TUSC3: variants seen among roughly 807,000 people sequenced by gnomAD.
TUSC3 encodes the protein dolichyl-diphosphooligosaccharide--protein glycosyltransferase subunit TUSC3.
In TUSC3, 45 loss-of-function variants were observed where a neutral mutation model predicts 44.8. That is an observed-to-expected ratio of 1.00 (90% CI 0.79 to 1.29). The LOEUF (loss-of-function observed/expected upper bound fraction) is 1.29, where lower values mean the gene tolerates loss of function less well. Ranked by LOEUF, TUSC3 falls within the 50% of genes most tolerant of loss-of-function variation. The probability of loss-of-function intolerance (pLI) is 0.00; values close to 1 mark genes in which losing one functional copy is unlikely to be tolerated. For synonymous variants in TUSC3, 212 were observed against 152.9 expected, an observed-to-expected ratio of 1.39 and a Z score of -2.85; for missense variants, 519 against 437.9, an observed-to-expected ratio of 1.19 and a Z score of -1.65.
At chr8:15,718,593 G>T (rs1810156564) in intron 6 of TUSC3, among the ~76,000 whole-genome samples, 1 of 152,018 alleles carries the variant, frequency 6.6e-6, no homozygotes, top group Non-Finnish European at 1.5e-5. Context: ...TCTTCTAAAG[G>T]AGAGAAATAT....
At chr8:15,721,206 G>T (rs1402536968) in intron 6 of TUSC3, among the ~76,000 whole-genome samples, 1 of 151,954 alleles carries the variant, frequency 6.6e-6, no homozygotes, top group African/African-American at 2.4e-5. Flanking sequence ...TAGCTTTCCT[G>T]GGGAAATCAT....
At chr8:15,662,125 C>T (rs746944891) in intron 4 of TUSC3, 31 bp from the exon 5 acceptor site, 1 of 1,611,290 alleles carries the variant, frequency 6.2e-7, no homozygotes, top group Non-Finnish European at 8.5e-7. Flanking sequence ...ATTTTTCTTT[C>T]ATTTTTGAAA....
intron 1 of TUSC3, among the ~76,000 whole-genome samples, chr8:15,560,568 A>G (rs1802422709): frequency 6.9e-6 from 1 of 144,864 alleles, no homozygotes; most frequent in Non-Finnish European, 1.5e-5. Context: ...TAGATTGGGG[A>G]AGTTCTCCTG....
the TUSC3 span, among the ~76,000 whole-genome samples, chr8:15,836,256 G>A: frequency 2.6e-5 from 4 of 151,502 alleles, no homozygotes; most frequent in Admixed American, 2.6e-4. Context: ...TGGGTGGAAT[G>A]CTTGAGGTCA....
At chr8:15,688,800 A>C (rs932590163) in intron 6 of TUSC3, 1 of 153,588 alleles carries the variant, frequency 6.5e-6, no homozygotes, top group African/African-American at 2.4e-5. Flanking sequence ...AGCTCTAAAC[A>C]CAAAAAAGTT....
At chr8:15,567,330 C>G (rs2129142066) in intron 1 of TUSC3, among the ~76,000 whole-genome samples, 1 of 152,274 alleles carries the variant, frequency 6.6e-6, no homozygotes, top group Admixed American at 6.5e-5. Context: ...AAACATTAAT[C>G]ACTGTCTTGG....
intron 2 of TUSC3, among the ~76,000 whole-genome samples, chr8:15,639,582 T>A (rs914202814): frequency 1.3e-5 from 2 of 152,208 alleles, no homozygotes; most frequent in African/African-American, 4.8e-5. Context: ...GATAAAACTT[T>A]CTGCATTTTT....
intron 3 of TUSC3, among the ~76,000 whole-genome samples, chr8:15,652,034 C>T (rs181039590): frequency 7.9e-5 from 12 of 152,294 alleles, no homozygotes; most frequent in African/African-American, 2.6e-4. Flanking sequence ...TAATGTGTAA[C>T]TAGAATTTGA....
chr8:15,463,766 T>C (rs192634135), intron 1 of TUSC3, among the ~76,000 whole-genome samples: 5 of 152,298 alleles, frequency 3.3e-5, no homozygotes, highest in Middle Eastern at 3.4e-3. Flanking sequence ...CATCAGTTCG[T>C]CGCTTCTCTA....
intron 1 of TUSC3, among the ~76,000 whole-genome samples, chr8:15,471,180 C>G (rs544964067): frequency 1.3e-5 from 2 of 152,222 alleles, no homozygotes; most frequent in African/African-American, 4.8e-5. Flanking sequence ...TTCACCAAAA[C>G]TTGGTAAATC....
At chr8:15,540,623 C>T (rs1001457016) in intron 1 of TUSC3, 55 bp downstream of exon 1, 4 of 1,479,884 alleles carry the variant, frequency 2.7e-6, no homozygotes, top group Non-Finnish European at 3.6e-6. Flanking sequence ...CAGGGTGGGC[C>T]GCGTTGCCAG....
At chr8:15,666,012 A>G (rs1051493498) in intron 5 of TUSC3, among the ~76,000 whole-genome samples, 1 of 151,520 alleles carries the variant, frequency 6.6e-6, no homozygotes, top group Non-Finnish European at 1.5e-5. Flanking sequence ...GATGAATTTA[A>G]AGTAGAATGA....
chr8:15,616,152 T>G (rs1449590008), intron 1 of TUSC3, among the ~76,000 whole-genome samples: 1 of 151,884 alleles, frequency 6.6e-6, no homozygotes, highest in East Asian at 1.9e-4. Flanking sequence ...TGAAGACTCT[T>G]AAAGAATAAA....
intron 1 of TUSC3, among the ~76,000 whole-genome samples, chr8:15,422,357 A>G (rs2129115305): frequency 6.6e-6 from 1 of 152,268 alleles, no homozygotes; most frequent in African/African-American, 2.4e-5. Context: ...ATCCATTTCT[A>G]TCACTTTATA....
intron 2 of TUSC3, among the ~76,000 whole-genome samples, chr8:15,535,205 C>G (rs1484606627): frequency 2.0e-5 from 3 of 152,110 alleles, no homozygotes; most frequent in African/African-American, 2.4e-5. Context: ...TCTTGTAAAA[C>G]CATTGAGACT....
At chr8:15,511,196 A>G (rs895105022) in intron 2 of TUSC3, among the ~76,000 whole-genome samples, 11 of 152,132 alleles carry the variant, frequency 7.2e-5, no homozygotes, top group Non-Finnish European at 1.3e-4. Flanking sequence ...GTTCACTCTT[A>G]CTACTCCTAT....
the TUSC3 span, among the ~76,000 whole-genome samples, chr8:15,818,843 C>T: frequency 3.3e-5 from 5 of 152,116 alleles, no homozygotes; most frequent in Admixed American, 3.3e-4. Flanking sequence ...GTTTTTGTTT[C>T]GTTGCTAATT....
intron 1 of TUSC3, among the ~76,000 whole-genome samples, chr8:15,570,948 C>G (rs187843092): frequency 2.5e-5 from 1 of 39,612 alleles, no homozygotes; most frequent in Non-Finnish European, 8.4e-5. Context: ...ATTCCATTGC[C>G]TATTAGTTTT....
At chr8:15,727,455 G>T (rs952770127) in intron 6 of TUSC3, among the ~76,000 whole-genome samples, 7 of 151,974 alleles carry the variant, frequency 4.6e-5, no homozygotes, top group Non-Finnish European at 8.8e-5. Context: ...ATAACTGCTG[G>T]ATTTCTGTTG....
Sources: allele counts gnomAD v4.1 joint callset (sites outside exome capture counted in the v4.1 genomes callset), GRCh38; gene constraint gnomAD v4.1.1; transcripts MANE v1.5; gene names NCBI Gene and HGNC (gene_info 2026-07-23, HGNC 2026-07-21).